Variants in CYP39A1 observed in about 807,000 individuals in gnomAD.
CYP39A1 encodes the protein 24-hydroxycholesterol 7-alpha-hydroxylase.
Under a neutral mutation model 58.1 loss-of-function variants are expected in CYP39A1, and 49 were observed. The ratio of observed to expected loss-of-function variants is 0.84; its 90% CI spans 0.67 to 1.07. CYP39A1 has a LOEUF of 1.07. CYP39A1 is among the 50% of genes least tolerant of loss of function. The probability of loss-of-function intolerance (pLI) is 0.00; values close to 1 mark genes in which losing one functional copy is unlikely to be tolerated. For synonymous variants in CYP39A1, 209 were observed against 187.6 expected (o/e 1.11, Z -0.93); for missense variants, 531 against 539.4 (o/e 0.98, Z 0.16).
rs1037396409 is a variant in CYP39A1 at position 46,604,337 on chromosome 6, A to C, written c.932-8217T>G. ...TTTACGATGGAATATCTTGCCTCTC[A>C]GCTATCCCGATTTTTACTCTAGTGC... On this transcript the variant is annotated intron_variant, in intron 7 of 11. Coordinates refer to ENST00000275016, the MANE Select transcript of CYP39A1 (RefSeq NM_016593.5). Among the ~76,000 whole-genome samples the C allele has an allele frequency of 3.9e-5, 6 of 152,222 alleles. No individual in the cohort carries two copies. The East Asian group carries it at 1.2e-3, about 29-fold the overall frequency.
intron 1 of CYP39A1, among the ~76,000 whole-genome samples, chr6:46,646,741 T>G (rs1182600862): frequency 1.3e-5 from 2 of 152,118 alleles, no homozygotes; most frequent in African/African-American, 4.8e-5. Context: ...TCCTTAATAG[T>G]GTAGGGCTAT....
chr6:46,579,308 T>C (rs1416977842), intron 10 of CYP39A1, among the ~76,000 whole-genome samples: 2 of 152,022 alleles, frequency 1.3e-5, no homozygotes, highest in African/African-American at 2.4e-5. Context: ...AAATTCCACA[T>C]TCCTTCATGT....
At chr6:46,619,190 T>C (rs1774808477) in intron 7 of CYP39A1, among the ~76,000 whole-genome samples, 1 of 152,160 alleles carries the variant, frequency 6.6e-6, no homozygotes, top group South Asian at 2.1e-4. Context: ...AAAAAGTCTT[T>C]ATATAAAACA....
At chr6:46,631,116 A>T in intron 5 of CYP39A1, 46 bp from the exon 6 acceptor site, 1 of 1,343,184 alleles carries the variant, frequency 7.4e-7, no homozygotes, top group Non-Finnish European at 1.1e-6. Context: ...TATGTGACAA[A>T]TATCGATGTT....
chr6:46,607,460 C>A (rs1270079038), intron 7 of CYP39A1, among the ~76,000 whole-genome samples: 1 of 144,584 alleles, frequency 6.9e-6, no homozygotes, highest in Non-Finnish European at 1.5e-5. Context: ...AAGCCCCTTC[C>A]CCCTACACAC....
intron 11 of CYP39A1, among the ~76,000 whole-genome samples, chr6:46,552,898 A>C (rs1017217954): frequency 2.0e-5 from 3 of 152,032 alleles, no homozygotes; most frequent in Non-Finnish European, 4.4e-5. Context: ...AATACAAAAA[A>C]TTAGCCAGGC....
At chr6:46,643,793 T>C (rs572652494) in intron 1 of CYP39A1, among the ~76,000 whole-genome samples, 1 of 152,064 alleles carries the variant, frequency 6.6e-6, no homozygotes, top group South Asian at 2.1e-4. Flanking sequence ...TGTGTTTGTT[T>C]TACTTGCTTT....
intron 7 of CYP39A1, among the ~76,000 whole-genome samples, chr6:46,598,472 G>A (rs1773301981): frequency 6.6e-6 from 1 of 152,074 alleles, no homozygotes; most frequent in East Asian, 1.9e-4. Context: ...ATCACCAACT[G>A]AAAACTGTCT....
At chr6:46,595,486 A>G (rs1427426393) in intron 8 of CYP39A1, among the ~76,000 whole-genome samples, 3 of 152,058 alleles carry the variant, frequency 2.0e-5, no homozygotes, top group Non-Finnish European at 4.4e-5. Context: ...AGCCAGGAAG[A>G]ATGACAAACC....
chr6:46,606,103 GA>G (rs1773825356), intron 7 of CYP39A1, among the ~76,000 whole-genome samples: 1 of 151,980 alleles, frequency 6.6e-6, no homozygotes, highest in Non-Finnish European at 1.5e-5. Context: ...TGAAGTTCTT[GA>G]CCTCCTTCAG....
intron 10 of CYP39A1, among the ~76,000 whole-genome samples, chr6:46,566,236 G>T (rs1480769978): frequency 6.6e-6 from 1 of 152,156 alleles, no homozygotes; most frequent in Admixed American, 6.5e-5. Flanking sequence ...AATGAGCTAT[G>T]AGCTAATAGT....
intron 5 of CYP39A1, among the ~76,000 whole-genome samples, chr6:46,632,313 T>A (rs963334429): frequency 1.3e-5 from 2 of 152,326 alleles, no homozygotes; most frequent in African/African-American, 4.8e-5. Flanking sequence ...AGGTGCTAGA[T>A]AGGTGTTCCT....
chr6:46,587,047 G>C (rs1772508507), intron 10 of CYP39A1, 30 bp downstream of exon 10: 1 of 1,534,934 alleles, frequency 6.5e-7, no homozygotes, highest in Admixed American at 1.7e-5. Context: ...CAGACTTTCT[G>C]GATAAATGTG....
At chr6:46,554,721 T>TA in intron 10 of CYP39A1, among the ~76,000 whole-genome samples, 1 of 152,334 alleles carries the variant, frequency 6.6e-6, no homozygotes, top group South Asian at 2.1e-4. Context: ...GCATAGCCCT[T>TA]AATGAATACA....
chr6:46,633,937 A>C (rs1775809172), intron 5 of CYP39A1, among the ~76,000 whole-genome samples: 1 of 152,214 alleles, frequency 6.6e-6, no homozygotes, highest in African/African-American at 2.4e-5. Context: ...AGGAAAACAG[A>C]GACGCAATAC....
Position 46,550,215 on chromosome 6 carries a change from C to G in CYP39A1, c.*151G>C, listed in dbSNP as rs1341393360. On this transcript the variant is annotated 3_prime_UTR_variant, in exon 12 of 12. Coordinates refer to ENST00000275016, the MANE Select transcript of CYP39A1 (RefSeq NM_016593.5). The stretch of plus-strand genomic sequence containing the variant: ...GATTCTTGGTCTACTGTTGAAGATA[C>G]CAAACACATGCACCATTTGAATGTG... 1 of 516,404 alleles carries G rather than the reference C, an allele frequency of 1.9e-6. No individual in the cohort carries two copies. Among genetic ancestry groups the G allele is most frequent in the Non-Finnish European group, 3.4e-6 (1 of 290,586 alleles). The allele number at this position is 516,404 out of a possible 1,614,324, so 32.0% of individuals were successfully genotyped here.
intron 7 of CYP39A1, among the ~76,000 whole-genome samples, chr6:46,622,991 A>T (rs898866916): frequency 1.3e-5 from 2 of 152,172 alleles, no homozygotes; most frequent in South Asian, 4.1e-4. Flanking sequence ...TTGTTTTATA[A>T]GAAAGTTGGG....
chr6:46,572,716 C>T (rs761760126), intron 10 of CYP39A1, among the ~76,000 whole-genome samples: 12 of 152,042 alleles, frequency 7.9e-5, no homozygotes, highest in East Asian at 1.9e-4. Context: ...TCTCAGGGTT[C>T]GGGAAAATTT....
intron 10 of CYP39A1, among the ~76,000 whole-genome samples, chr6:46,577,113 G>A (rs1258466892): frequency 6.6e-6 from 1 of 152,170 alleles, no homozygotes; most frequent in Non-Finnish European, 1.5e-5. Context: ...ATGAGAGATT[G>A]GGGGTGTATA....
Sources: allele counts gnomAD v4.1 joint callset (sites outside exome capture counted in the v4.1 genomes callset), GRCh38; gene constraint gnomAD v4.1.1; transcripts MANE v1.5; gene names NCBI Gene and HGNC (gene_info 2026-07-23, HGNC 2026-07-21).